KCNIP4: variants seen among roughly 807,000 people sequenced by gnomAD.
KCNIP4 encodes potassium voltage-gated channel interacting protein 4.
A neutral mutation model predicts 34.0 loss-of-function variants in KCNIP4; 12 were observed. That is an observed-to-expected ratio of 0.35 (90% CI 0.23 to 0.57). The LOEUF (loss-of-function observed/expected upper bound fraction) is 0.57, where lower values mean the gene tolerates loss of function less well. Ranked by LOEUF, KCNIP4 falls within the 20% of genes least tolerant of loss-of-function variation. The pLI, the probability that KCNIP4 is intolerant of heterozygous loss-of-function variation, is 0.83. For missense variants in KCNIP4, 238 were observed against 311.7 expected (o/e 0.76, Z 1.78); for synonymous variants, 124 against 102.2 (o/e 1.21, Z -1.29).
At chr4:21,941,479 T>C (rs1476042347) in intron 1 of KCNIP4, among the ~76,000 whole-genome samples, 1 of 149,700 alleles carries the variant, frequency 6.7e-6, no homozygotes, top group African/African-American at 2.4e-5. Context: ...CAAAACCTTT[T>C]TGTAGTAAAG....
intron 1 of KCNIP4, among the ~76,000 whole-genome samples, chr4:21,147,216 T>C (rs2109230989): frequency 6.6e-6 from 1 of 152,050 alleles, no homozygotes. Flanking sequence ...AAGGCTACAG[T>C]TCCATTCCTT....
At chr4:21,750,736 G>C (rs1287802657) in intron 1 of KCNIP4, among the ~76,000 whole-genome samples, 1 of 152,094 alleles carries the variant, frequency 6.6e-6, no homozygotes, top group Non-Finnish European at 1.5e-5. Context: ...CTTACAAACT[G>C]TATTTTCCAG....
chr4:21,680,546 T>G (rs1750267266), intron 1 of KCNIP4, among the ~76,000 whole-genome samples: 1 of 152,212 alleles, frequency 6.6e-6, no homozygotes, highest in African/African-American at 2.4e-5. Flanking sequence ...TTTTCCCAGA[T>G]CATCAGAGGA....
At chr4:21,012,686 T>C (rs1302625665) in intron 1 of KCNIP4, among the ~76,000 whole-genome samples, 1 of 152,210 alleles carries the variant, frequency 6.6e-6, no homozygotes, top group Non-Finnish European at 1.5e-5. Flanking sequence ...TCAACCAGGA[T>C]CTGGGTAACC....
intron 1 of KCNIP4, among the ~76,000 whole-genome samples, chr4:21,380,839 G>GACACAC (rs34138343): frequency 8.0e-5 from 12 of 149,702 alleles, no homozygotes; most frequent in South Asian, 2.1e-4. Flanking sequence ...TTCCATTGGT[G>GACACAC]ACACACACAC....
intron 1 of KCNIP4, among the ~76,000 whole-genome samples, chr4:21,268,274 G>GCATAATAAT (rs1761939561): frequency 6.6e-6 from 1 of 151,944 alleles, no homozygotes; most frequent in East Asian, 1.9e-4. Flanking sequence ...ATGACTCTTT[G>GCATAATAAT]CATAATAATG....
intron 1 of KCNIP4, among the ~76,000 whole-genome samples, chr4:21,443,093 T>C (rs550347571): frequency 4.2e-4 from 64 of 152,304 alleles, no homozygotes; most frequent in African/African-American, 1.5e-3. Flanking sequence ...CTTATCAACA[T>C]TGGAACATTT....
intron 1 of KCNIP4, among the ~76,000 whole-genome samples, chr4:20,954,548 G>T (rs931138762): frequency 6.6e-6 from 1 of 152,016 alleles, no homozygotes; most frequent in South Asian, 2.1e-4. Flanking sequence ...ATCGATCAAG[G>T]TATAATGAAA....
intron 1 of KCNIP4, among the ~76,000 whole-genome samples, chr4:21,062,614 A>T (rs936935947): frequency 6.6e-6 from 1 of 151,962 alleles, no homozygotes; most frequent in Admixed American, 6.6e-5. Context: ...AAATTGCAAG[A>T]TCTACATGGT....
At chr4:20,847,526 C>T (rs995038142) in intron 3 of KCNIP4, among the ~76,000 whole-genome samples, 1 of 148,844 alleles carries the variant, frequency 6.7e-6, no homozygotes, top group Non-Finnish European at 1.5e-5. Context: ...GTACTGTATT[C>T]TGTCTCTATC....
intron 1 of KCNIP4, among the ~76,000 whole-genome samples, chr4:21,885,145 G>A (rs1296050020): frequency 3.3e-5 from 5 of 152,136 alleles, no homozygotes; most frequent in African/African-American, 1.2e-4. Flanking sequence ...TTCCTAGGAT[G>A]TAACTGGGGT....
intron 1 of KCNIP4, among the ~76,000 whole-genome samples, chr4:21,715,799 TG>T (rs1714332004): frequency 6.6e-6 from 1 of 152,230 alleles, no homozygotes; most frequent in South Asian, 2.1e-4. Flanking sequence ...AAAATTAATT[TG>T]CTTTCTTCCT....
intron 1 of KCNIP4, among the ~76,000 whole-genome samples, chr4:21,893,801 G>A (rs945811530): frequency 5.3e-5 from 8 of 152,140 alleles, no homozygotes; most frequent in Admixed American, 5.2e-4. Context: ...ACATGAAGCT[G>A]TAGTTGCATG....
At chr4:21,420,158 AC>A (rs372978092) in intron 1 of KCNIP4, among the ~76,000 whole-genome samples, 105 of 152,344 alleles carry the variant, frequency 6.9e-4, no homozygotes, top group East Asian at 9.6e-4. Context: ...ACTGAAAAAA[AC>A]ATATCAAAAT....
chr4:21,787,600 T>C (rs1192640886), intron 1 of KCNIP4, among the ~76,000 whole-genome samples: 1 of 152,214 alleles, frequency 6.6e-6, no homozygotes, highest in Non-Finnish European at 1.5e-5. Flanking sequence ...TTACACATAG[T>C]CCTTGCACAT....
intron 1 of KCNIP4, among the ~76,000 whole-genome samples, chr4:21,892,917 AG>A (rs1727186793): frequency 6.6e-6 from 1 of 152,178 alleles, no homozygotes. Context: ...GCAGTTCCAC[AG>A]GCGATATAGC....
chr4:21,582,017 AGAATAGAATAGAATG>A (rs1560534476), intron 1 of KCNIP4: 4 of 112,744 alleles, frequency 3.5e-5, no homozygotes, highest in Admixed American at 8.5e-5. Context: ...AGAATAGAAT[AGAATAGAATAGAATG>A]GAATGGAATG....
intron 1 of KCNIP4, among the ~76,000 whole-genome samples, chr4:21,519,674 GTA>G (rs1432624692): frequency 7.0e-6 from 1 of 143,124 alleles, no homozygotes. Flanking sequence ...ACACGTGTGT[GTA>G]TGTATGTGTA....
intron 3 of KCNIP4, among the ~76,000 whole-genome samples, chr4:20,820,366 G>A (rs545048316): frequency 6.6e-6 from 1 of 152,334 alleles, no homozygotes; most frequent in Admixed American, 6.5e-5. Context: ...CAATGAACTA[G>A]AGTATTTGGT....
Sources: allele counts gnomAD v4.1 joint callset (sites outside exome capture counted in the v4.1 genomes callset), GRCh38; gene constraint gnomAD v4.1.1; transcripts MANE v1.5; gene names NCBI Gene and HGNC (gene_info 2026-07-23, HGNC 2026-07-21).